The following COQ10A variants were observed in gnomAD, a reference collection of about 807,000 sequenced individuals.
COQ10A encodes the protein coenzyme Q10A.
Under a neutral mutation model 26.1 loss-of-function variants are expected in COQ10A, and 25 were observed. The ratio of observed to expected loss-of-function variants is 0.96; its 90% CI spans 0.70 to 1.34. COQ10A has a LOEUF of 1.34. Ranked by LOEUF, COQ10A falls within the 40% of genes most tolerant of loss-of-function variation. The pLI, the probability that COQ10A is intolerant of heterozygous loss-of-function variation, is 0.00. For missense variants in COQ10A, 312 were observed against 335.4 expected (o/e 0.93, Z 0.54); for synonymous variants, 132 against 124.0 (o/e 1.06, Z -0.43).
chr12:56,267,771 G>A (rs774079674), intron 1 of COQ10A, 23 bp from the exon 2 acceptor site: 2 of 1,614,010 alleles, frequency 1.2e-6, no homozygotes, highest in Non-Finnish European at 1.7e-6. Context: ...TATACGGTTG[G>A]CTCCTCTTTC....
At chr12:56,270,045 GA>G (rs1872466992) in intron 4 of COQ10A, 104 bp from the exon 5 acceptor site, 2 of 1,169,970 alleles carry the variant, frequency 1.7e-6, no homozygotes. Context: ...CCACGAACTG[GA>G]TGGGGAGGGG....
Position 56,266,970 on chromosome 12 carries a change from G to T in COQ10A, c.-149G>T. The T allele has an allele frequency of 1.3e-6, 1 of 795,842 alleles. No homozygotes were observed. The highest frequency in any genetic ancestry group is 4.0e-5 in the East Asian group (1 of 25,106). 49.3% of individuals were successfully genotyped at this position (795,842 alleles called of 1,614,324 possible). A position where few individuals can be genotyped will look rare whatever the true frequency, so the allele number is the denominator to read the frequency against. The stretch of plus-strand genomic sequence containing the variant: ...TCTAGCCTACCCGGCAGCCTGGACG[G>T]GAGCAAGGCGAGAGGTGCTGCCGCC... On this transcript the variant is annotated 5_prime_UTR_variant, in exon 1 of 5. Coordinates refer to ENST00000308197, the MANE Select transcript of COQ10A (RefSeq NM_144576.4).
chr12:56,267,964 C>CT, intron 2 of COQ10A, 24 bp downstream of exon 2: 1 of 1,612,456 alleles, frequency 6.2e-7, no homozygotes, highest in South Asian at 1.1e-5. Context: ...GCCTTGCATC[C>CT]TTGCACCTCC....
At chr12:56,267,637 C>T (rs1190828910) in intron 1 of COQ10A, 157 bp from the exon 2 acceptor site, 2 of 1,229,758 alleles carry the variant, frequency 1.6e-6, no homozygotes, top group Non-Finnish European at 2.4e-6. Flanking sequence ...ACTCGTGACT[C>T]CCTGGCCAGA....
chr12:56,270,057 G>A lies in COQ10A; in HGVS notation c.577-93G>A, dbSNP rs1872467356. 2.3e-6 allele frequency: 3 copies of A among 1,295,676 alleles called. No individual in the cohort carries two copies. In the Admixed American group the frequency reaches 5.6e-5, roughly 24 times the overall value. 80.3% of individuals were successfully genotyped at this position (1,295,676 alleles called of 1,614,324 possible). A position where few individuals can be genotyped will look rare whatever the true frequency, so the allele number is the denominator to read the frequency against. On this transcript the variant is annotated intron_variant, in intron 4 of 4. Coordinates refer to ENST00000308197, the MANE Select transcript of COQ10A (RefSeq NM_144576.4). ...GATCCACGAACTGGATGGGGAGGGG[G>A]AGAAAAGGCACTGAGGAACAGTTTC... is the stretch of plus-strand genomic sequence containing the variant.
chr12:56,269,193 C>G lies in COQ10A; in HGVS notation c.416C>G (p.Pro139Arg), dbSNP rs748805707. The change falls in exon 3 of 5, where the codon CCA (proline) becomes CGA (arginine). Residue 139 changes from proline (P) to arginine (R), a missense_variant. Physicochemically the swap from Pro to Arg is moderately radical, Grantham distance 103 (BLOSUM62 -2). Coordinates refer to ENST00000308197, the MANE Select transcript of COQ10A (RefSeq NM_144576.4). Reference protein sequence around the residue: ...HLKAQLEVGFPPVMERYTSAV... With the variant: ...HLKAQLEVGFRPVMERYTSAV... ...AAAGCCCAGCTGGAGGTTGGCTTTC[C>G]ACCTGTCATGGAACGTTACACCTCT... The G allele has an allele frequency of 1.0e-4, 163 of 1,614,016 alleles. 1 individual carries two copies. Among genetic ancestry groups the G allele is most frequent in the Middle Eastern group, 4.9e-4 (3 of 6,082 alleles).
At chr12:56,267,706 C>G (rs1872391872) in intron 1 of COQ10A, 88 bp from the exon 2 acceptor site, 1 of 1,565,942 alleles carries the variant, frequency 6.4e-7, no homozygotes, top group African/African-American at 1.4e-5. Context: ...CGACCTTCGT[C>G]TGGGATGCAC....
In COQ10A at chr12:56,267,231, T is replaced by C; in HGVS notation, c.113T>C (p.Leu38Pro). ...CAACCGGCCCCGCCCCCAGGCCCTC[T>C]GCCACCGCCGCGACCAATGAGGTGA... ...GAQPAPPPGP[L>P]PPPRPMRFLT... The change falls in exon 1 of 5, where the codon CTG becomes CCG. Residue 38 changes from leucine to proline, a missense_variant. Leu to Pro is a moderately conservative substitution (Grantham distance 98). Transcript: ENST00000308197. The C allele has an allele frequency of 2.0e-6, 3 of 1,472,312 alleles. No individual in the cohort carries two copies. The highest frequency in any genetic ancestry group is 2.7e-6 in the Non-Finnish European group (3 of 1,112,648). The allele number at this position is 1,472,312 out of a possible 1,614,324, so 91.2% of individuals were successfully genotyped here. A position where few individuals can be genotyped will look rare whatever the true frequency, so the allele number is the denominator to read the frequency against.
intron 4 of COQ10A, 138 bp from the exon 5 acceptor site, chr12:56,270,012 C>T (rs1473400969): frequency 8.6e-6 from 7 of 814,736 alleles, no homozygotes; most frequent in Non-Finnish European, 1.4e-5. Flanking sequence ...TGCTCAGTCC[C>T]AAGTTAGGGC....
rs571058316 is a variant in COQ10A at position 56,268,318 on chromosome 12, C to A, written c.281+378C>A. ...AAACCCTGTCTCCACTAAAAAAAAA[C>A]ACACACACAAGAATCAGCCTGGCAC... is the stretch of plus-strand genomic sequence containing the variant. On this transcript the variant is annotated intron_variant, in intron 2 of 4. Transcript: ENST00000308197. 1.4e-4 allele frequency: 28 copies of A among 203,320 alleles called. No individual in the cohort carries two copies. The East Asian group carries it at 2.7e-3, about 19-fold the overall frequency. The allele number at this position is 203,320 out of a possible 1,614,324, so 12.6% of individuals were successfully genotyped here.
Position 56,270,135 on chromosome 12 carries a change from C to T in COQ10A, c.577-15C>T. On this transcript the variant is annotated splice_polypyrimidine_tract_variant and intron_variant, in intron 4 of 4. Transcript: ENST00000308197. ...ATGGTCTGGAAGTTTCTGACTGTCT[C>T]TTACCCATTCCCAGATTTCCTTTGA... is the stretch of plus-strand genomic sequence containing the variant. The T allele has an allele frequency of 4.3e-6, 7 of 1,612,084 alleles. No homozygotes were observed. The highest frequency in any genetic ancestry group is 1.7e-5 in the Admixed American group (1 of 59,898).
At chr12:56,267,632 T>C in intron 1 of COQ10A, 162 bp from the exon 2 acceptor site, 1 of 1,203,718 alleles carries the variant, frequency 8.3e-7, no homozygotes. Context: ...TTTGCACTCG[T>C]GACTCCCTGG....
Position 56,270,427 on chromosome 12 carries a change from C to T in COQ10A, c.*110C>T. ...TTGAAAGGAGTCTGTGTTCATAATA[C>T]TGTTTCTCCTCTCAATTTCCCAGAA... On this transcript the variant is annotated 3_prime_UTR_variant, in exon 5 of 5. Coordinates refer to ENST00000308197, the MANE Select transcript of COQ10A (RefSeq NM_144576.4). 1.8e-6 allele frequency: 2 copies of T among 1,141,270 alleles called. No homozygotes were observed. The highest frequency in any genetic ancestry group is 2.5e-5 in the East Asian group (1 of 40,628). 70.7% of individuals were successfully genotyped at this position (1,141,270 alleles called of 1,614,324 possible). A position where few individuals can be genotyped will look rare whatever the true frequency, so the allele number is the denominator to read the frequency against.
rs771479544 is a variant in COQ10A, at chr12:56,269,539, G to A, written c.554G>A (p.Arg185Gln). The change falls in exon 4 of 5, where the codon CGA (arginine) becomes CAA (glutamine). Residue 185 changes from arginine (R) to glutamine (Q), a missense_variant. Physicochemically the swap from Arg to Gln is conservative, Grantham distance 43. Transcript: ENST00000308197. ...RFSPGIPAYPRTCTVDFSISF... is the reference protein window; with the variant it reads ...RFSPGIPAYPQTCTVDFSISF... ...AGCCCTGGTATTCCTGCCTATCCTC[G>A]AACCTGCACTGTGGACTTTTCGGTG... 1.6e-5 allele frequency: 26 copies of A among 1,613,738 alleles called. No individual in the cohort carries two copies. The African/African-American group carries it at 2.5e-4, about 16-fold the overall frequency.
At position 56,267,147 on chromosome 12, in the gene COQ10A, C is replaced by A; in HGVS notation, c.29C>A (p.Pro10Gln). 1 of 1,339,512 alleles carries A rather than the reference C, an allele frequency of 7.5e-7. No individual in the cohort carries two copies. Among genetic ancestry groups the A allele is most frequent in the South Asian group, 1.9e-5 (1 of 52,260 alleles). 83.0% of individuals were successfully genotyped at this position (1,339,512 alleles called of 1,614,324 possible). The change falls in exon 1 of 5, where the codon CCA (proline) becomes CAA (glutamine). Residue 10 changes from proline (P) to glutamine (Q), a missense_variant. Transcript: ENST00000308197. MAWAGSRRVPAGTRAAAERC... is the reference protein window; with the variant it reads MAWAGSRRVQAGTRAAAERC... Reference sequence around the variant, plus strand: ...GCCTGGGCGGGCTCGCGGCGGGTCCCAGCTGGGACGCGCGCGGCAGCCGAG... The same window carrying A: ...GCCTGGGCGGGCTCGCGGCGGGTCCAAGCTGGGACGCGCGCGGCAGCCGAG...
chr12:56,267,238 G>T lies in COQ10A; in HGVS notation c.120G>T (p.Pro40=), dbSNP rs752301260. Residue 40 remains proline, a synonymous_variant, in exon 1 of 5, where the codon CCG becomes CCT. Coordinates refer to ENST00000308197, the MANE Select transcript of COQ10A (RefSeq NM_144576.4). ...QPAPPPGPLP[P]PRPMRFLTSC... Reference sequence around the variant, plus strand: ...CCCCGCCCCCAGGCCCTCTGCCACCGCCGCGACCAATGAGGTGAGAGGGAG... The same window carrying T: ...CCCCGCCCCCAGGCCCTCTGCCACCTCCGCGACCAATGAGGTGAGAGGGAG... 7 of 1,477,198 alleles carry T rather than the reference G, an allele frequency of 4.7e-6. No individual in the cohort carries two copies. The African/African-American group carries it at 5.8e-5, about 12-fold the overall frequency. 91.5% of individuals were successfully genotyped at this position (1,477,198 alleles called of 1,614,324 possible).
At chr12:56,267,459 C>T (rs1872383739) in intron 1 of COQ10A, 1 of 1,613,828 alleles carries the variant, frequency 6.2e-7, no homozygotes, top group African/African-American at 1.3e-5. Flanking sequence ...CTTCTTGGCC[C>T]TCGCGGGCGC....
Position 56,270,251 on chromosome 12 carries a change from C to T in COQ10A, c.678C>T (p.Ala226=). ...QNVAAFERRA[A]TKFGPETAIP... is the part of the protein sequence containing the mutation. ...TTGCTGCCTTTGAGCGTCGGGCAGC[C>T]ACCAAGTTTGGTCCAGAAACAGCCA... is the stretch of plus-strand genomic sequence containing the variant. The change falls in exon 5 of 5, where the codon GCC becomes GCT. Residue 226 remains alanine, a synonymous_variant. Transcript: ENST00000308197. The T allele has an allele frequency of 1.2e-6, 2 of 1,614,114 alleles. No homozygotes were observed. Among genetic ancestry groups the T allele is most frequent in the Non-Finnish European group, 1.7e-6 (2 of 1,179,996 alleles).
intron 1 of COQ10A, 57 bp downstream of exon 1, chr12:56,267,309 C>T (rs1872378142): frequency 6.3e-7 from 1 of 1,599,644 alleles, no homozygotes; most frequent in Non-Finnish European, 8.5e-7. Flanking sequence ...CCCGGGGTTC[C>T]GCGGTGGAGG....
Sources: gnomAD v4.1 joint callset for allele counts on GRCh38, gnomAD v4.1.1 for gene constraint, MANE v1.5 for transcripts, NCBI Gene and HGNC (gene_info 2026-07-23, HGNC 2026-07-21) for gene names.